SLC30A8: variants seen among roughly 807,000 people sequenced by gnomAD.
SLC30A8 encodes proton-coupled zinc antiporter SLC30A8.
SLC30A8 carries 27 observed loss-of-function variants against 36.9 expected under a neutral mutation model. That is an observed-to-expected ratio of 0.73 (90% CI 0.54 to 1.01). The LOEUF (loss-of-function observed/expected upper bound fraction) is 1.01, where lower values mean the gene tolerates loss of function less well. SLC30A8 is among the 50% of genes least tolerant of loss of function. The probability of loss-of-function intolerance (pLI) is 0.00; values close to 1 mark genes in which losing one functional copy is unlikely to be tolerated. For synonymous variants in SLC30A8, 164 were observed against 172.4 expected (o/e 0.95, Z 0.38); for missense variants, 439 against 452.0 (o/e 0.97, Z 0.26).
At chr8:117,074,402 C>T (rs2130803306) in intron 2 of SLC30A8, among the ~76,000 whole-genome samples, 1 of 152,216 alleles carries the variant, frequency 6.6e-6, no homozygotes, top group African/African-American at 2.4e-5. Context: ...CTAGTGTTTT[C>T]TTCTATAAAA....
chr8:117,029,970 A>T (rs1423538806), intron 1 of SLC30A8, among the ~76,000 whole-genome samples: 2 of 152,182 alleles, frequency 1.3e-5, no homozygotes, highest in African/African-American at 2.4e-5. Flanking sequence ...TTGTTTTTTT[A>T]AAACTAAGAA....
chr8:117,069,879 A>G (rs564424638), intron 2 of SLC30A8, among the ~76,000 whole-genome samples: 111 of 152,330 alleles, frequency 7.3e-4, no homozygotes, highest in African/African-American at 2.4e-3. Context: ...AAGGCCACAC[A>G]CACGCTGGAA....
intron 1 of SLC30A8, among the ~76,000 whole-genome samples, chr8:116,958,912 C>T (rs1246569549): frequency 1.0e-4 from 12 of 119,450 alleles, no homozygotes; most frequent in South Asian, 8.7e-4. Context: ...TGCAGTGGTG[C>T]GATCTCGGCT....
intron 2 of SLC30A8, among the ~76,000 whole-genome samples, chr8:117,048,920 G>A (rs757713798): frequency 6.6e-6 from 1 of 152,158 alleles, no homozygotes. Context: ...GAAGAGAAAT[G>A]TATCTTGATT....
chr8:117,080,753 T>G (rs1043351896), intron 2 of SLC30A8, among the ~76,000 whole-genome samples: 1 of 152,238 alleles, frequency 6.6e-6, no homozygotes, highest in African/African-American at 2.4e-5. Context: ...GCACCTGGGT[T>G]GATTCCATGT....
At chr8:117,096,485 T>G (rs1819368615) in intron 2 of SLC30A8, among the ~76,000 whole-genome samples, 1 of 152,114 alleles carries the variant, frequency 6.6e-6, no homozygotes, top group Non-Finnish European at 1.5e-5. Context: ...TTTAATGACT[T>G]GAATCTGCCT....
At chr8:116,998,957 A>G (rs939848774) in intron 1 of SLC30A8, among the ~76,000 whole-genome samples, 4 of 152,204 alleles carry the variant, frequency 2.6e-5, no homozygotes, top group Non-Finnish European at 4.4e-5. Flanking sequence ...AATTTGTTAC[A>G]GCAGCCCTAA....
At chr8:117,035,530 T>G (rs1817184684) in intron 1 of SLC30A8, among the ~76,000 whole-genome samples, 1 of 152,216 alleles carries the variant, frequency 6.6e-6, no homozygotes, top group Non-Finnish European at 1.5e-5. Flanking sequence ...CTTTTCCAGG[T>G]GCAGGGTGCA....
At chr8:117,034,974 G>A (rs529794001) in intron 1 of SLC30A8, among the ~76,000 whole-genome samples, 16 of 152,212 alleles carry the variant, frequency 1.1e-4, no homozygotes, top group Admixed American at 7.9e-4. Flanking sequence ...ACAGCATGGG[G>A]GAAACCACCC....
chr8:117,052,487 G>C (rs1817741272), intron 2 of SLC30A8, among the ~76,000 whole-genome samples: 1 of 152,216 alleles, frequency 6.6e-6, no homozygotes. Context: ...TTTAGGTACA[G>C]TTTTAACACA....
chr8:117,157,861 T>G lies in SLC30A8; in HGVS notation c.572+17T>G. On this transcript the variant is annotated intron_variant, in intron 4 of 7. Coordinates refer to ENST00000456015, the MANE Select transcript of SLC30A8 (RefSeq NM_173851.3). ...CAACATTGTGTAAGTCATCCCCTGG[T>G]CCCCACACACTGCTCATGAGGCTCT... 1 of 1,613,396 alleles carries G rather than the reference T, an allele frequency of 6.2e-7. No homozygotes were observed. Among genetic ancestry groups the G allele is most frequent in the Non-Finnish European group, 8.5e-7 (1 of 1,179,700 alleles).
chr8:117,056,950 C>T (rs1817889398), intron 2 of SLC30A8, among the ~76,000 whole-genome samples: 1 of 152,116 alleles, frequency 6.6e-6, no homozygotes, highest in South Asian at 2.1e-4. Flanking sequence ...TGATTTCAGA[C>T]ACAAGTCATA....
At chr8:117,018,933 G>A (rs1292914695) in intron 1 of SLC30A8, among the ~76,000 whole-genome samples, 4 of 152,140 alleles carry the variant, frequency 2.6e-5, no homozygotes, top group Non-Finnish European at 5.9e-5. Context: ...AAAGTGTTGG[G>A]ATTACAGGCG....
At chr8:117,112,019 G>A (rs1001566797) in intron 2 of SLC30A8, among the ~76,000 whole-genome samples, 7 of 152,124 alleles carry the variant, frequency 4.6e-5, no homozygotes, top group Admixed American at 2.0e-4. Flanking sequence ...TCAGAGACAA[G>A]CAGCAGCATC....
chr8:116,986,541 C>A (rs1185272206), intron 1 of SLC30A8, among the ~76,000 whole-genome samples: 1 of 152,146 alleles, frequency 6.6e-6, no homozygotes, highest in Non-Finnish European at 1.5e-5. Flanking sequence ...ACTTAATTTC[C>A]ATTAATGATC....
chr8:117,007,079 T>C (rs1474368567), intron 1 of SLC30A8: 1 of 147,274 alleles, frequency 6.8e-6, no homozygotes, highest in Non-Finnish European at 1.5e-5. Context: ...GTGCTGGGTT[T>C]ACAAGCGTGA....
At chr8:117,115,061 C>T (rs35228127) in intron 2 of SLC30A8, among the ~76,000 whole-genome samples, 2 of 151,552 alleles carry the variant, frequency 1.3e-5, no homozygotes, top group Non-Finnish European at 2.9e-5. Context: ...GGCTTGTGCC[C>T]CCATGCCTGG....
chr8:117,133,048 T>C (rs981743174), upstream of SLC30A8, among the ~76,000 whole-genome samples: 10 of 152,034 alleles, frequency 6.6e-5, no homozygotes, highest in African/African-American at 1.9e-4. Flanking sequence ...AATATGTACA[T>C]TTTTATTAGT....
chr8:117,075,862 G>A (rs540003259), intron 2 of SLC30A8, among the ~76,000 whole-genome samples: 55 of 152,254 alleles, frequency 3.6e-4, no homozygotes, highest in African/African-American at 1.2e-3. Flanking sequence ...TGCCACATTT[G>A]TCTAGTCTCT....
Sources: allele counts gnomAD v4.1 joint callset (sites outside exome capture counted in the v4.1 genomes callset), GRCh38; gene constraint gnomAD v4.1.1; transcripts MANE v1.5; gene names NCBI Gene and HGNC (gene_info 2026-07-23, HGNC 2026-07-21).